Variants in CECR2 observed in about 807,000 individuals in gnomAD.
CECR2 encodes CECR2 histone acetyl-lysine reader, also known as chromatin remodeling regulator CECR2.
Under a neutral mutation model 154.5 loss-of-function variants are expected in CECR2, and 30 were observed. The observed-to-expected ratio is 0.19, with a 90% CI of 0.15 to 0.26. The LOEUF (loss-of-function observed/expected upper bound fraction) is 0.26, where lower values mean the gene tolerates loss of function less well. Ranked by LOEUF, CECR2 falls within the 10% of genes least tolerant of loss-of-function variation. The probability of loss-of-function intolerance (pLI) is 1.00; values close to 1 mark genes in which losing one functional copy is unlikely to be tolerated. For missense variants in CECR2, 1,743 were observed against 1,829.3 expected, an observed-to-expected ratio of 0.95 and a Z score of 0.86; for synonymous variants, 725 against 683.7, an observed-to-expected ratio of 1.06 and a Z score of -0.94.
intron 1 of CECR2, among the ~76,000 whole-genome samples, chr22:17,397,093 G>A (rs2053822844): frequency 1.3e-5 from 2 of 151,948 alleles, no homozygotes; most frequent in South Asian, 2.1e-4. Flanking sequence ...TCTCCACAGT[G>A]AAGAATTTGC....
In CECR2 at chr22:17,446,112, G is replaced by A. The variant is rs187412444; in HGVS notation, c.127-31476G>A. ...GCTTGTTTACAGATACCTCACTCCA[G>A]ACCTAGATGAATCAAAATAGCCATT... is the stretch of plus-strand genomic sequence containing the variant. On this transcript the variant is annotated intron_variant, in intron 1 of 18. Transcript: ENST00000262608. 1.9e-4 allele frequency among the ~76,000 whole-genome samples: 29 copies of A among 152,180 alleles called. No individual in the cohort carries two copies. In the East Asian group the frequency reaches 5.6e-3, roughly 29 times the overall value.
chr22:17,394,176 C>T (rs1001645091), intron 1 of CECR2, among the ~76,000 whole-genome samples: 2 of 148,286 alleles, frequency 1.3e-5, no homozygotes, highest in African/African-American at 4.9e-5. Flanking sequence ...CGTGAGCCAC[C>T]GCGCCCAGCT....
chr22:17,557,145 C>CTTTTTTTTTTTTT lies in CECR2; in HGVS notation c.*4313_*4325dup, dbSNP rs695763. 1 of 106,538 alleles carries CTTTTTTTTTTTTT rather than the reference C, an allele frequency of 9.4e-6. No homozygotes were observed. Among genetic ancestry groups the CTTTTTTTTTTTTT allele is most frequent in the Non-Finnish European group, 1.8e-5 (1 of 55,924 alleles). 6.6% of individuals were successfully genotyped at this position (106,538 alleles called of 1,614,324 possible). ...TACTGCATCCCGTTTTTTTTCTTTT[C>CTTTTTTTTTTTTT]TTTTTTTTTTTTTTTTTTTTGAGAC... is the stretch of plus-strand genomic sequence containing the variant. On this transcript the variant is annotated 3_prime_UTR_variant, in exon 19 of 19. Transcript: ENST00000262608.
At chr22:17,543,324 C>T (rs1186233073) in intron 16 of CECR2, among the ~76,000 whole-genome samples, 1 of 151,162 alleles carries the variant, frequency 6.6e-6, no homozygotes, top group African/African-American at 2.4e-5. Context: ...TTAGTAGCAA[C>T]GGGGTTTCAC....
rs1015437569 is a variant in CECR2 at position 17,386,871 on chromosome 22, G to A, written c.126+16962G>A. 4.7e-4 allele frequency among the ~76,000 whole-genome samples: 72 copies of A among 151,986 alleles called. 1 individual carries two copies. Among genetic ancestry groups the A allele is most frequent in the African/African-American group, 7.3e-5 (3 of 41,352 alleles). On this transcript the variant is annotated intron_variant, in intron 1 of 18. Transcript: ENST00000262608. The stretch of plus-strand genomic sequence containing the variant: ...TCATCATATTGGTCAGGCTGGTCTC[G>A]AACTCCTGAACTCAGGTGATCCACC...
At chr22:17,362,785 C>A (rs2062983205) in intron 1 of CECR2, among the ~76,000 whole-genome samples, 1 of 151,086 alleles carries the variant, frequency 6.6e-6, no homozygotes, top group Non-Finnish European at 1.5e-5. Flanking sequence ...GCCTGTAATC[C>A]CAGCTACTCG....
intron 5 of CECR2, among the ~76,000 whole-genome samples, chr22:17,501,462 G>A (rs1010054696): frequency 6.6e-6 from 1 of 152,040 alleles, no homozygotes; most frequent in African/African-American, 2.4e-5. Context: ...GGAGGCTGAG[G>A]CAGGAGAATG....
At chr22:17,455,504 T>A (rs1011822734) in intron 1 of CECR2, among the ~76,000 whole-genome samples, 3 of 152,238 alleles carry the variant, frequency 2.0e-5, no homozygotes, top group African/African-American at 7.2e-5. Flanking sequence ...TGACCCACTT[T>A]ATAGTTCATG....
chr22:17,477,306 T>C (rs2055224926), intron 1 of CECR2: 3 of 606,124 alleles, frequency 4.9e-6, no homozygotes, highest in Admixed American at 5.7e-5. Context: ...GCAGCTAGCA[T>C]TGATTTATCA....
At chr22:17,449,852 A>G (rs5746394) in intron 1 of CECR2, among the ~76,000 whole-genome samples, 45,635 of 152,038 alleles carry the variant, frequency 0.3, 9,790 homozygotes, top group African/African-American at 0.58. Context: ...GACACTTGCA[A>G]TGGTCTGATA....
intron 2 of CECR2, among the ~76,000 whole-genome samples, chr22:17,478,935 G>A (rs1443236022): frequency 1.3e-5 from 2 of 151,990 alleles, no homozygotes; most frequent in Non-Finnish European, 2.9e-5. Context: ...TGTAGACTTG[G>A]GAGTTTGTAA....
intron 2 of CECR2, among the ~76,000 whole-genome samples, chr22:17,487,372 CTG>C (rs1338781433): frequency 1.3e-5 from 2 of 152,162 alleles, no homozygotes; most frequent in Admixed American, 6.5e-5. Context: ...TTGAATCAAA[CTG>C]TGTTTTGAGC....
chr22:17,509,126 C>T (rs919290961), intron 7 of CECR2, among the ~76,000 whole-genome samples: 3 of 152,116 alleles, frequency 2.0e-5, no homozygotes, highest in African/African-American at 7.2e-5. Flanking sequence ...TGATGGGTGC[C>T]TGTAATTCCA....
chr22:17,480,997 A>G (rs1461292238), intron 2 of CECR2, among the ~76,000 whole-genome samples: 36 of 131,496 alleles, frequency 2.7e-4, no homozygotes, highest in South Asian at 1.0e-3. Flanking sequence ...CCAAGATCGC[A>G]CCATTGCACT....
intron 1 of CECR2, among the ~76,000 whole-genome samples, chr22:17,454,716 A>C (rs184942350): frequency 9.2e-5 from 14 of 152,240 alleles, no homozygotes; most frequent in Non-Finnish European, 1.5e-4. Context: ...TATGAATGTG[A>C]CACAAAGAGA....
At chr22:17,490,821 A>G (rs777321593) in intron 2 of CECR2, among the ~76,000 whole-genome samples, 1 of 152,016 alleles carries the variant, frequency 6.6e-6, no homozygotes, top group Non-Finnish European at 1.5e-5. Context: ...CATCACCACT[A>G]TCTAATTGCA....
At chr22:17,430,103 T>C (rs2054398425) in intron 1 of CECR2, among the ~76,000 whole-genome samples, 1 of 152,198 alleles carries the variant, frequency 6.6e-6, no homozygotes, top group Non-Finnish European at 1.5e-5. Context: ...GATTTATAAT[T>C]GGTACATTGG....
Position 17,542,675 on chromosome 22 carries a change from C to G in CECR2, c.2532C>G (p.Cys844Trp), listed in dbSNP as rs2056547088. ...CCTCAGGGTACATGCGACCGCCCTG[C>G]AAGTCTGCCGGACATCGGTTACAGC... The part of the protein sequence containing the change: ...VPSSGYMRPP[C>W]KSAGHRLQPP... The change falls in exon 16 of 19, where the codon TGC becomes TGG. Residue 844 changes from cysteine (C) to tryptophan (W), a missense_variant. Physicochemically the swap from Cys to Trp is radical, Grantham distance 215. Around this residue, in one of 4 missense-constraint regions of CECR2, gnomAD observed 1,250 missense variants for 1,192.1 expected, o/e 1.05. Coordinates refer to ENST00000262608, the MANE Select transcript of CECR2 (RefSeq NM_001290047.2). 1 of 1,614,042 alleles carries G rather than the reference C, an allele frequency of 6.2e-7. No individual in the cohort carries two copies. Among genetic ancestry groups the G allele is most frequent in the Non-Finnish European group, 8.5e-7 (1 of 1,179,912 alleles).
At position 17,395,221 on chromosome 22, in the gene CECR2, TCTCA is replaced by T. The variant is rs376888835; in HGVS notation, c.126+25316_126+25319del. Among the ~76,000 whole-genome samples the T allele has an allele frequency of 7.7e-3, 1,178 of 152,266 alleles. 13 individuals are homozygous for T. The highest frequency in any genetic ancestry group is 0.026 in the African/African-American group (1,073 of 41,538). ...AATCTCTTTTTTGGCAGAGACGAGG[TCTCA>T]CTCTATTTCCCAGGCTGGTTTCAAA... is the stretch of plus-strand genomic sequence containing the variant. On this transcript the variant is annotated intron_variant, in intron 1 of 18. Transcript: ENST00000262608.
Sources: allele counts gnomAD v4.1 joint callset (sites outside exome capture counted in the v4.1 genomes callset), GRCh38; gene constraint gnomAD v4.1.1; regional missense constraint gnomAD v4.1.1; transcripts MANE v1.5; gene names NCBI Gene and HGNC (gene_info 2026-07-23, HGNC 2026-07-21).